Variants in TMEM132D observed in about 807,000 individuals in gnomAD.
TMEM132D encodes the protein transmembrane protein 132D.
A neutral mutation model predicts 62.3 loss-of-function variants in TMEM132D; 21 were observed. That is an observed-to-expected ratio of 0.34 (90% CI 0.24 to 0.49). TMEM132D has a LOEUF of 0.49. Among genes scored for constraint, TMEM132D ranks in the 20% least tolerant of loss-of-function variants. The pLI is 0.99. For synonymous variants in TMEM132D, 621 were observed against 575.6 expected (o/e 1.08, Z -1.13); for missense variants, 1,346 against 1,402.8 (o/e 0.96, Z 0.65).
At chr12:129,391,263 C>A (rs1871282437) in intron 3 of TMEM132D, among the ~76,000 whole-genome samples, 1 of 152,118 alleles carries the variant, frequency 6.6e-6, no homozygotes, top group East Asian at 1.9e-4. Context: ...TGTGTGCTTG[C>A]AATATACCTG....
intron 1 of TMEM132D, among the ~76,000 whole-genome samples, chr12:129,704,297 C>A (rs1241707094): frequency 3.9e-5 from 6 of 152,230 alleles, no homozygotes; most frequent in Non-Finnish European, 8.8e-5. Flanking sequence ...GCTGACAAAT[C>A]TACCCTGATA....
intron 3 of TMEM132D, among the ~76,000 whole-genome samples, chr12:129,473,491 G>A (rs1198434800): frequency 6.6e-6 from 1 of 151,614 alleles, no homozygotes; most frequent in East Asian, 2.0e-4. Flanking sequence ...CACCATGCCT[G>A]GCTAATTTTT....
chr12:129,114,331 C>T (rs1395148892), intron 5 of TMEM132D, among the ~76,000 whole-genome samples: 3 of 152,066 alleles, frequency 2.0e-5, no homozygotes, highest in African/African-American at 4.8e-5. Context: ...AGGACACCCC[C>T]ACCACAAACA....
At chr12:129,754,814 C>A (rs923575460) in intron 1 of TMEM132D, among the ~76,000 whole-genome samples, 1 of 152,108 alleles carries the variant, frequency 6.6e-6, no homozygotes, top group Admixed American at 6.5e-5. Flanking sequence ...TAGACAAAGA[C>A]TCAGAGACTA....
chr12:129,170,204 A>C (rs1165012212), intron 5 of TMEM132D: 2 of 152,254 alleles, frequency 1.3e-5, no homozygotes, highest in Non-Finnish European at 2.9e-5. Flanking sequence ...TACCATATGC[A>C]AACTGTGAAT....
chr12:129,535,485 A>G (rs1042953624), intron 2 of TMEM132D, among the ~76,000 whole-genome samples: 4 of 152,262 alleles, frequency 2.6e-5, no homozygotes, highest in African/African-American at 7.2e-5. Flanking sequence ...CCTAAAGTCT[A>G]TAAATTTGAG....
At chr12:129,270,634 A>G in intron 4 of TMEM132D, among the ~76,000 whole-genome samples, 1 of 152,186 alleles carries the variant, frequency 6.6e-6, no homozygotes, top group East Asian at 1.9e-4. Flanking sequence ...CCTTACAGTC[A>G]AAGTTCCATA....
intron 4 of TMEM132D, among the ~76,000 whole-genome samples, chr12:129,232,303 A>C (rs1879664083): frequency 6.6e-6 from 1 of 152,220 alleles, no homozygotes; most frequent in Non-Finnish European, 1.5e-5. Flanking sequence ...ACATGGTTCA[A>C]GACATGTGAC....
chr12:129,518,043 T>G (rs953377972), intron 3 of TMEM132D, among the ~76,000 whole-genome samples: 4 of 152,150 alleles, frequency 2.6e-5, no homozygotes, highest in Admixed American at 2.6e-4. Flanking sequence ...TTGATGAATA[T>G]AACTACAAGA....
chr12:129,596,308 T>C (rs1193657888), intron 2 of TMEM132D, among the ~76,000 whole-genome samples: 1 of 152,238 alleles, frequency 6.6e-6, no homozygotes, highest in East Asian at 1.9e-4. Context: ...AAGGAGGCTA[T>C]TATGATGGCT....
chr12:129,223,986 G>A (rs978762746), intron 4 of TMEM132D, among the ~76,000 whole-genome samples: 2 of 152,120 alleles, frequency 1.3e-5, no homozygotes, highest in Non-Finnish European at 2.9e-5. Context: ...GTGCATTGCA[G>A]CATCTCTGGC....
chr12:129,178,651 G>A (rs1417875133), intron 5 of TMEM132D, among the ~76,000 whole-genome samples: 1 of 152,124 alleles, frequency 6.6e-6, no homozygotes, highest in Non-Finnish European at 1.5e-5. Context: ...CTTCAAGAGG[G>A]TAAAAGATGG....
chr12:129,161,958 G>A (rs1005794949), intron 5 of TMEM132D, among the ~76,000 whole-genome samples: 5 of 152,184 alleles, frequency 3.3e-5, no homozygotes, highest in African/African-American at 1.2e-4. Flanking sequence ...TTGCAGACCT[G>A]TGACTCTTGC....
At chr12:129,793,902 A>G (rs1445910397) in intron 1 of TMEM132D, among the ~76,000 whole-genome samples, 1 of 152,184 alleles carries the variant, frequency 6.6e-6, no homozygotes. Flanking sequence ...ATGGTGTTGT[A>G]GACACATAGG....
At chr12:129,195,476 T>C (rs958027987) in intron 5 of TMEM132D, among the ~76,000 whole-genome samples, 2 of 151,840 alleles carry the variant, frequency 1.3e-5, no homozygotes, top group African/African-American at 4.8e-5. Flanking sequence ...TTTAAAAGGA[T>C]CACTTTGACT....
intron 4 of TMEM132D, among the ~76,000 whole-genome samples, chr12:129,270,554 T>A (rs1351302522): frequency 2.0e-5 from 3 of 152,172 alleles, no homozygotes; most frequent in African/African-American, 4.8e-5. Flanking sequence ...CAAATCTCCA[T>A]CAATTAGTAG....
At position 129,075,007 on chromosome 12, in the gene TMEM132D, A is replaced by G. The variant is rs1461029403; in HGVS notation, c.2168T>C (p.Leu723Ser). ...VQFSDGSVTP[L>S]DIYDGKDFSL... Reference sequence around the variant, plus strand: ...GAAGTCTTTCCCATCGTAAATATCCAAGGGCGTGACTGAGCCATCACTGAA... The same window carrying G: ...GAAGTCTTTCCCATCGTAAATATCCGAGGGCGTGACTGAGCCATCACTGAA... Residue 723 changes from leucine (L) to serine (S), a missense_variant, in exon 9 of 9, where the codon TTG (leucine) becomes TCG (serine). By Grantham distance (145) the Leu-to-Ser change is moderately radical (BLOSUM62 -2). Coordinates refer to ENST00000422113, the MANE Select transcript of TMEM132D (RefSeq NM_133448.3). The G allele has an allele frequency of 6.2e-7, 1 of 1,613,644 alleles. No individual in the cohort carries two copies. The highest frequency in any genetic ancestry group is 1.3e-5 in the African/African-American group (1 of 75,018).
At chr12:129,528,843 A>C (rs765393948) in intron 3 of TMEM132D, among the ~76,000 whole-genome samples, 43 of 152,242 alleles carry the variant, frequency 2.8e-4, no homozygotes, top group Non-Finnish European at 4.8e-4. Context: ...CCAAAACTAT[A>C]AGACTTCCGT....
intron 2 of TMEM132D, among the ~76,000 whole-genome samples, chr12:129,643,847 ATTTT>A (rs531369497): frequency 2.1e-5 from 3 of 142,208 alleles, no homozygotes; most frequent in Admixed American, 7.0e-5. Context: ...CCAATGTACC[ATTTT>A]TTTTTTTTTT....
Sources: gnomAD v4.1 joint callset for allele counts (sites outside exome capture counted in the v4.1 genomes callset) on GRCh38, gnomAD v4.1.1 for gene constraint, MANE v1.5 for transcripts, NCBI Gene and HGNC (gene_info 2026-07-23, HGNC 2026-07-21) for gene names.